Variants in THSD4 observed in about 807,000 individuals in gnomAD.
The protein encoded by THSD4 is thrombospondin type-1 domain-containing protein 4.
In THSD4, 69 loss-of-function variants were observed where a neutral mutation model predicts 119.0. The ratio of observed to expected loss-of-function variants is 0.58; its 90% CI spans 0.48 to 0.71. The LOEUF (loss-of-function observed/expected upper bound fraction) is 0.71. Ranked by LOEUF, THSD4 falls within the 30% of genes least tolerant of loss-of-function variation. The pLI, the probability that THSD4 is intolerant of heterozygous loss-of-function variation, is 0.00. For missense variants in THSD4, 1,393 were observed against 1,391.1 expected (o/e 1.00, Z -0.02); for synonymous variants, 524 against 540.4 (o/e 0.97, Z 0.42).
intron 2 of THSD4, among the ~76,000 whole-genome samples, chr15:71,145,506 A>G (rs2040648856): frequency 6.6e-6 from 1 of 152,194 alleles, no homozygotes; most frequent in African/African-American, 2.4e-5. Context: ...ATACTTCAGT[A>G]AAGTATTATT....
intron 3 of THSD4, among the ~76,000 whole-genome samples, chr15:71,162,163 A>T (rs2043254902): frequency 6.6e-6 from 1 of 152,038 alleles, no homozygotes; most frequent in South Asian, 2.1e-4. Flanking sequence ...AAAGATTTAC[A>T]TAACACCATT....
chr15:71,421,686 C>T (rs909984881), intron 7 of THSD4, among the ~76,000 whole-genome samples: 1 of 152,130 alleles, frequency 6.6e-6, no homozygotes, highest in African/African-American at 2.4e-5. Context: ...TTATACCCTT[C>T]TTGTACTTAA....
chr15:71,313,705 T>C (rs1328558718), intron 6 of THSD4, among the ~76,000 whole-genome samples: 1 of 152,148 alleles, frequency 6.6e-6, no homozygotes, highest in African/African-American at 2.4e-5. Flanking sequence ...AGCATGTCAT[T>C]TTTTACTTTT....
chr15:71,527,677 T>TTTG (rs1421695506), intron 7 of THSD4, among the ~76,000 whole-genome samples: 3 of 151,712 alleles, frequency 2.0e-5, no homozygotes, highest in Non-Finnish European at 2.9e-5. Context: ...TTACTCAGAT[T>TTTG]TTGTTGATTT....
chr15:71,217,528 CAGG>C (rs1419385184), intron 4 of THSD4, among the ~76,000 whole-genome samples: 1 of 151,358 alleles, frequency 6.6e-6, no homozygotes, highest in Non-Finnish European at 1.5e-5. Flanking sequence ...GAGGCTGAGG[CAGG>C]AGAATGGCGT....
At chr15:71,166,260 T>G (rs1023233476) in intron 3 of THSD4, among the ~76,000 whole-genome samples, 1 of 152,108 alleles carries the variant, frequency 6.6e-6, no homozygotes, top group African/African-American at 2.4e-5. Context: ...CCCTTATGAA[T>G]GTACTGGAAT....
At chr15:71,293,641 A>G (rs2044822925) in intron 6 of THSD4, among the ~76,000 whole-genome samples, 2 of 152,120 alleles carry the variant, frequency 1.3e-5, no homozygotes, top group Admixed American at 6.5e-5. Flanking sequence ...CACAGTGGAT[A>G]TGAATGTTTG....
At chr15:71,461,486 C>A (rs1423103004) in intron 7 of THSD4, among the ~76,000 whole-genome samples, 1 of 152,098 alleles carries the variant, frequency 6.6e-6, no homozygotes, top group Non-Finnish European at 1.5e-5. Flanking sequence ...GTCAGCACAC[C>A]CTCGATGGCC....
In THSD4 at chr15:71,243,005, A is replaced by T. The variant is rs1196785196; in HGVS notation, c.821A>T (p.His274Leu). ...AGCAACAACCACGGTGTGGGGACCCATGGGGCAACTCAGAGCTTCTCTCAG... is the reference window on the plus strand; with the variant it reads ...AGCAACAACCACGGTGTGGGGACCCTTGGGGCAACTCAGAGCTTCTCTCAG... ...ETSNNHGVGT[H>L]GATQSFSQPA... The change falls in exon 5 of 18, where the codon CAT becomes CTT. Residue 274 changes from histidine (H) to leucine (L), a missense_variant. His to Leu is a moderately conservative substitution (Grantham distance 99). Transcript: ENST00000261862. 1 of 1,614,076 alleles carries T rather than the reference A, an allele frequency of 6.2e-7. No individual in the cohort carries two copies. The highest frequency in any genetic ancestry group is 2.2e-5 in the East Asian group (1 of 44,884).
intron 6 of THSD4, among the ~76,000 whole-genome samples, chr15:71,371,038 CTTCT>C (rs1361138607): frequency 5.9e-5 from 9 of 152,108 alleles, no homozygotes; most frequent in Admixed American, 5.2e-4. Flanking sequence ...ATGTAATGGC[CTTCT>C]TTGTCTCTTT....
intron 8 of THSD4, among the ~76,000 whole-genome samples, chr15:71,664,069 A>G (rs1168544875): frequency 6.6e-6 from 1 of 150,840 alleles, no homozygotes; most frequent in Non-Finnish European, 1.5e-5. Context: ...TGCAAGCTCT[A>G]CCTCCCGGGT....
chr15:71,621,585 T>C (rs1195955177), intron 7 of THSD4, among the ~76,000 whole-genome samples: 1 of 152,212 alleles, frequency 6.6e-6, no homozygotes, highest in Non-Finnish European at 1.5e-5. Context: ...GTTAAGTTAT[T>C]GATATTCTGA....
chr15:71,430,809 G>C (rs1329753843), intron 7 of THSD4, among the ~76,000 whole-genome samples: 1 of 148,892 alleles, frequency 6.7e-6, no homozygotes, highest in Non-Finnish European at 1.5e-5. Flanking sequence ...TACCTACCAC[G>C]GGGCAGCCAT....
intron 1 of THSD4, among the ~76,000 whole-genome samples, chr15:71,098,189 C>CTTTTTT (rs55726832): frequency 3.6e-5 from 3 of 83,256 alleles, no homozygotes; most frequent in Admixed American, 1.3e-4. Context: ...AATTCTTTCA[C>CTTTTTT]TTTTTTTTTT....
intron 12 of THSD4, 67 bp from the exon 13 acceptor site, chr15:71,746,770 CG>C: frequency 1.3e-6 from 2 of 1,499,114 alleles, no homozygotes; most frequent in South Asian, 2.3e-5. Flanking sequence ...TACGCTGCTG[CG>C]GGCTCACGCT....
intron 8 of THSD4, among the ~76,000 whole-genome samples, chr15:71,684,509 C>T (rs2051865104): frequency 7.4e-6 from 1 of 135,520 alleles, no homozygotes; most frequent in Admixed American, 7.3e-5. Flanking sequence ...TATTTCTAAT[C>T]TTGTAATCTT....
At chr15:71,116,454 A>G (rs1250078946) in intron 1 of THSD4, among the ~76,000 whole-genome samples, 3 of 152,076 alleles carry the variant, frequency 2.0e-5, no homozygotes, top group Admixed American at 1.3e-4. Flanking sequence ...GGGCCCACCT[A>G]AGTATCTGGA....
chr15:71,197,522 A>G (rs74581914), intron 3 of THSD4, among the ~76,000 whole-genome samples: 7 of 152,188 alleles, frequency 4.6e-5, no homozygotes, highest in Non-Finnish European at 8.8e-5. Flanking sequence ...CCCAAGTTCA[A>G]CGACCAGACC....
chr15:71,381,221 A>G (rs139995577), intron 6 of THSD4, among the ~76,000 whole-genome samples: 2 of 152,334 alleles, frequency 1.3e-5, no homozygotes, highest in Admixed American at 6.5e-5. Context: ...ATGAGTCCAC[A>G]CTTTACACTG....
Sources: allele counts gnomAD v4.1 joint callset (sites outside exome capture counted in the v4.1 genomes callset), GRCh38; gene constraint gnomAD v4.1.1; transcripts MANE v1.5; gene names NCBI Gene and HGNC (gene_info 2026-07-23, HGNC 2026-07-21).